Variants in CACNA1A observed in about 807,000 individuals in gnomAD.
CACNA1A encodes the protein calcium voltage-gated channel subunit alpha1 A.
Under a neutral mutation model 262.4 loss-of-function variants are expected in CACNA1A, and 57 were observed. That is an observed-to-expected ratio of 0.22 (90% CI 0.18 to 0.27). The LOEUF (loss-of-function observed/expected upper bound fraction) is 0.27, where lower values mean the gene tolerates loss of function less well. CACNA1A is among the 10% of genes least tolerant of loss of function. CACNA1A has a pLI of 1.00. For missense variants in CACNA1A, 2,526 were observed against 3,562.8 expected (o/e 0.71, Z 7.41); for synonymous variants, 1,431 against 1,419.3 (o/e 1.01, Z -0.18).
At chr19:13,463,363 A>G (rs16979125) in intron 1 of CACNA1A, among the ~76,000 whole-genome samples, 4,924 of 152,254 alleles carry the variant, frequency 0.032, 162 homozygotes, top group Admixed American at 0.081. Flanking sequence ...GTTCCCAGAC[A>G]TGGGCTTTAA....
chr19:13,210,263 G>C (rs1055748554), intron 44 of CACNA1A, among the ~76,000 whole-genome samples: 13 of 152,346 alleles, frequency 8.5e-5, no homozygotes, highest in Middle Eastern at 3.4e-3. Flanking sequence ...CCCTGCTCCA[G>C]GTAGGAGCTG....
intron 3 of CACNA1A, among the ~76,000 whole-genome samples, chr19:13,432,328 T>C (rs551804597): frequency 7.3e-5 from 11 of 151,350 alleles, no homozygotes; most frequent in Admixed American, 3.9e-4. Context: ...GGCTGGAGAA[T>C]CGCTTGAACC....
At chr19:13,454,798 G>A (rs1568661622) in intron 2 of CACNA1A, among the ~76,000 whole-genome samples, 1 of 151,980 alleles carries the variant, frequency 6.6e-6, no homozygotes, top group African/African-American at 2.4e-5. Flanking sequence ...TACAAAAAAA[G>A]ATAAAAATAA....
intron 1 of CACNA1A, among the ~76,000 whole-genome samples, chr19:13,487,982 G>A (rs1980238040): frequency 6.6e-6 from 1 of 151,900 alleles, no homozygotes; most frequent in South Asian, 2.1e-4. Flanking sequence ...ATGTTTAAAT[G>A]TTGCCCAGGC....
In CACNA1A at chr19:13,506,108, G is replaced by A. The variant is rs374304094; in HGVS notation, c.117C>T (p.Gly39=). 2.9e-5 allele frequency: 47 copies of A among 1,611,606 alleles called. 3 individuals carry two copies. The Middle Eastern group carries it at 6.6e-3, about 227-fold the overall frequency. ...GGRGAGGSRQ[G]GQPGAQRMYK... is the part of the protein sequence containing the mutation. Reference sequence around the variant, plus strand: ...ACATCCTTTGCGCCCCGGGCTGCCCGCCCTGCCGGCTGCCCCCGGCTCCTC... The same window carrying A: ...ACATCCTTTGCGCCCCGGGCTGCCCACCCTGCCGGCTGCCCCCGGCTCCTC... The change falls in exon 1 of 47, where the codon GGC becomes GGT. Residue 39 remains glycine (G), a synonymous_variant. Coordinates refer to ENST00000360228, the MANE Select transcript of CACNA1A (RefSeq NM_001127222.2).
chr19:13,218,476 C>T (rs767498043), intron 38 of CACNA1A, among the ~76,000 whole-genome samples: 3 of 152,192 alleles, frequency 2.0e-5, no homozygotes, highest in Non-Finnish European at 2.9e-5. Context: ...GAGAATTAAG[C>T]GTTGTCTGTG....
chr19:13,409,938 T>C (rs1419047928), intron 3 of CACNA1A, among the ~76,000 whole-genome samples: 3 of 152,180 alleles, frequency 2.0e-5, no homozygotes, highest in Non-Finnish European at 4.4e-5. Flanking sequence ...TAAATTGTCC[T>C]TGATAAACCA....
intron 38 of CACNA1A, among the ~76,000 whole-genome samples, chr19:13,219,949 C>CAA (rs751435539): frequency 2.9e-5 from 1 of 34,706 alleles, no homozygotes. Context: ...GACTCCGTTT[C>CAA]AAAAAAAAAA....
At chr19:13,430,222 T>C (rs1025231695) in intron 3 of CACNA1A, among the ~76,000 whole-genome samples, 3 of 152,076 alleles carry the variant, frequency 2.0e-5, no homozygotes, top group African/African-American at 2.4e-5. Context: ...TATATATTTT[T>C]TGAGACAGAG....
At chr19:13,289,198 G>C (rs7507761) in intron 19 of CACNA1A, among the ~76,000 whole-genome samples, 13,135 of 146,564 alleles carry the variant, frequency 0.09, 741 homozygotes, top group South Asian at 0.25. Flanking sequence ...TTGTAGTGCA[G>C]TGGCGCGATC....
intron 3 of CACNA1A, among the ~76,000 whole-genome samples, chr19:13,398,012 A>G (rs1381884973): frequency 2.6e-5 from 4 of 152,030 alleles, no homozygotes; most frequent in Non-Finnish European, 5.9e-5. Flanking sequence ...CTGTAATCCC[A>G]GCACTTTGGG....
chr19:13,261,163 G>A (rs1600194878), intron 26 of CACNA1A: 2 of 318,112 alleles, frequency 6.3e-6, no homozygotes, highest in South Asian at 9.7e-5. Context: ...TGCCTGTAAC[G>A]ATTTCAAGTA....
At chr19:13,329,004 C>T (rs918824266) in intron 10 of CACNA1A, among the ~76,000 whole-genome samples, 2 of 152,038 alleles carry the variant, frequency 1.3e-5, no homozygotes, top group African/African-American at 4.8e-5. Flanking sequence ...TTCCTTCTCC[C>T]CTCAATCTTA....
At chr19:13,221,210 G>GTT (rs1204956053) in intron 38 of CACNA1A, among the ~76,000 whole-genome samples, 3 of 22,436 alleles carry the variant, frequency 1.3e-4, no homozygotes, top group Non-Finnish European at 2.2e-4. Context: ...GGTCCCATTT[G>GTT]TTTTTTCTTT....
chr19:13,245,044 C>A lies in CACNA1A; in HGVS notation c.4950+138G>T. On this transcript the variant is annotated intron_variant, in intron 31 of 46. Transcript: ENST00000360228. ...CTTGTCCCCGGGGCCCCAGTTCTCC[C>A]TCTCTGGTCATGGCCAAGTGCTGGC... The A allele has an allele frequency of 4.2e-6, 3 of 722,198 alleles. No homozygotes were observed. In the South Asian group the frequency reaches 5.0e-5, roughly 12 times the overall value. 44.7% of individuals were successfully genotyped at this position (722,198 alleles called of 1,614,324 possible).
chr19:13,422,803 G>A (rs73922395), intron 3 of CACNA1A, among the ~76,000 whole-genome samples: 2,120 of 152,292 alleles, frequency 0.014, 50 homozygotes, highest in African/African-American at 0.049. Flanking sequence ...CTGGTTGGCG[G>A]TACACTGTAC....
intron 3 of CACNA1A, among the ~76,000 whole-genome samples, chr19:13,392,936 C>A (rs910071167): frequency 2.6e-5 from 4 of 152,122 alleles, no homozygotes; most frequent in African/African-American, 9.7e-5. Flanking sequence ...TTTGCGGAGA[C>A]GGGGTTTTGC....
At chr19:13,287,922 C>A (rs996382274) in intron 19 of CACNA1A, among the ~76,000 whole-genome samples, 1 of 151,744 alleles carries the variant, frequency 6.6e-6, no homozygotes, top group Non-Finnish European at 1.5e-5. Flanking sequence ...CCCATCTCAG[C>A]CTCCAGGTAG....
intron 1 of CACNA1A, among the ~76,000 whole-genome samples, chr19:13,493,094 A>G (rs1453261782): frequency 6.6e-6 from 1 of 152,206 alleles, no homozygotes; most frequent in Non-Finnish European, 1.5e-5. Flanking sequence ...GCTCTGGGTG[A>G]GATTTCCTTC....
Sources: gnomAD v4.1 joint callset for allele counts (sites outside exome capture counted in the v4.1 genomes callset) on GRCh38, gnomAD v4.1.1 for gene constraint, MANE v1.5 for transcripts, NCBI Gene and HGNC (gene_info 2026-07-23, HGNC 2026-07-21) for gene names.